Variants in CPA6 observed in about 807,000 individuals in gnomAD.
CPA6 encodes the protein carboxypeptidase B.
In CPA6, 58 loss-of-function variants were observed where a neutral mutation model predicts 63.3. That is an observed-to-expected ratio of 0.92 (90% CI 0.74 to 1.14). CPA6 has a LOEUF of 1.14. CPA6 is among the 50% of genes most tolerant of loss of function. The pLI, the probability that CPA6 is intolerant of heterozygous loss-of-function variation, is 0.00. For synonymous variants in CPA6, 185 were observed against 179.0 expected (o/e 1.03, Z -0.27); for missense variants, 565 against 526.6 (o/e 1.07, Z -0.71).
chr8:67,562,208 G>C (rs1172988157), intron 2 of CPA6, among the ~76,000 whole-genome samples: 1 of 152,142 alleles, frequency 6.6e-6, no homozygotes, highest in African/African-American at 2.4e-5. Context: ...CCCCATCTAG[G>C]CCTTTCCAAC....
chr8:67,507,577 C>T (rs1177069046), intron 5 of CPA6, among the ~76,000 whole-genome samples: 1 of 152,088 alleles, frequency 6.6e-6, no homozygotes, highest in East Asian at 1.9e-4. Context: ...ATTCACTTCA[C>T]AAATATTTCA....
At chr8:67,638,334 T>C (rs1815516029) in intron 1 of CPA6, among the ~76,000 whole-genome samples, 1 of 151,350 alleles carries the variant, frequency 6.6e-6, no homozygotes, top group African/African-American at 2.5e-5. Flanking sequence ...TAGTCAATAG[T>C]GAGAATTTAA....
At chr8:67,579,222 C>T (rs1391830574) in intron 2 of CPA6, among the ~76,000 whole-genome samples, 1 of 152,188 alleles carries the variant, frequency 6.6e-6, no homozygotes. Context: ...ACCAGCCTGG[C>T]CAACATGGCC....
chr8:67,452,634 T>C (rs932727032), intron 8 of CPA6: 111 of 152,252 alleles, frequency 7.3e-4, no homozygotes, highest in African/African-American at 2.3e-3. Flanking sequence ...GTAGAGAGCT[T>C]CCATTCCAGT....
intron 2 of CPA6, among the ~76,000 whole-genome samples, chr8:67,534,053 G>T (rs1390359538): frequency 6.6e-6 from 1 of 152,192 alleles, no homozygotes; most frequent in African/African-American, 2.4e-5. Context: ...GGGACCAGAA[G>T]AGAACAGAGC....
intron 1 of CPA6, among the ~76,000 whole-genome samples, chr8:67,687,419 G>C (rs1048238704): frequency 5.3e-5 from 8 of 151,802 alleles, no homozygotes; most frequent in Non-Finnish European, 8.8e-5. Context: ...GAGAGGATCT[G>C]GGCAGGATTG....
chr8:67,521,760 G>A (rs558812289), intron 2 of CPA6, among the ~76,000 whole-genome samples: 1 of 152,112 alleles, frequency 6.6e-6, no homozygotes, highest in African/African-American at 2.4e-5. Context: ...ATAAACAGTT[G>A]CAGGAAAGTT....
At chr8:67,590,582 C>A (rs1212418056) in intron 2 of CPA6, among the ~76,000 whole-genome samples, 1 of 152,170 alleles carries the variant, frequency 6.6e-6, no homozygotes, top group African/African-American at 2.4e-5. Flanking sequence ...GATTGCCATT[C>A]TAACTGGTGT....
chr8:67,615,530 T>C (rs1814923123), intron 2 of CPA6, among the ~76,000 whole-genome samples: 1 of 151,794 alleles, frequency 6.6e-6, no homozygotes, highest in South Asian at 2.1e-4. Flanking sequence ...AAAAAGGAAA[T>C]AAAAACCAGA....
chr8:67,539,671 A>G (rs1812663363), intron 2 of CPA6, among the ~76,000 whole-genome samples: 1 of 151,906 alleles, frequency 6.6e-6, no homozygotes, highest in South Asian at 2.1e-4. Context: ...ATAGTTCCAT[A>G]TTTCTTGGAG....
chr8:67,465,010 A>G (rs566772830), intron 8 of CPA6, among the ~76,000 whole-genome samples: 19 of 152,262 alleles, frequency 1.2e-4, no homozygotes, highest in African/African-American at 4.3e-4. Context: ...TGGGTTCCAT[A>G]TGAATTTTAG....
intron 1 of CPA6, among the ~76,000 whole-genome samples, chr8:67,721,130 G>T (rs57935768): frequency 0.014 from 2,104 of 152,330 alleles, 46 homozygotes; most frequent in African/African-American, 0.048. Context: ...TGGAGTTAAT[G>T]GTGCCAACTT....
intron 6 of CPA6, among the ~76,000 whole-genome samples, chr8:67,490,093 G>A (rs1811572178): frequency 6.6e-6 from 1 of 152,144 alleles, no homozygotes; most frequent in Non-Finnish European, 1.5e-5. Flanking sequence ...ACGACGTGAT[G>A]ACTGTTAAAT....
At chr8:67,453,699 C>T (rs1268108349) in intron 8 of CPA6, among the ~76,000 whole-genome samples, 2 of 151,944 alleles carry the variant, frequency 1.3e-5, no homozygotes, top group African/African-American at 4.8e-5. Context: ...TCTTCTCTAA[C>T]ACCCTGAGGC....
At chr8:67,697,764 A>AG (rs1456134583) in intron 1 of CPA6, among the ~76,000 whole-genome samples, 1 of 115,970 alleles carries the variant, frequency 8.6e-6, no homozygotes, top group Non-Finnish European at 1.7e-5. Context: ...TTGCAGTCGC[A>AG]GGAAAAAAAA....
chr8:67,493,583 C>T (rs181230700), intron 6 of CPA6, among the ~76,000 whole-genome samples: 234 of 152,312 alleles, frequency 1.5e-3, no homozygotes, highest in Non-Finnish European at 1.8e-3. Context: ...CATAGTACAT[C>T]TGAATCACAT....
intron 2 of CPA6, among the ~76,000 whole-genome samples, chr8:67,567,922 C>T (rs1040481554): frequency 1.3e-5 from 2 of 151,098 alleles, no homozygotes; most frequent in Non-Finnish European, 3.0e-5. Flanking sequence ...GTTAGACCAC[C>T]TGGGGTCAGG....
intron 2 of CPA6, among the ~76,000 whole-genome samples, chr8:67,528,426 A>G (rs1323882792): frequency 1.3e-5 from 2 of 152,136 alleles, no homozygotes; most frequent in Admixed American, 1.3e-4. Context: ...ATCCTAAAAG[A>G]CAAAGGCAGT....
At chr8:67,550,580 A>G (rs554384380) in intron 2 of CPA6, among the ~76,000 whole-genome samples, 42 of 152,354 alleles carry the variant, frequency 2.8e-4, no homozygotes, top group Admixed American at 1.6e-3. Context: ...TGCTGGGTGA[A>G]ATGGTAGTCC....
Sources: allele counts gnomAD v4.1 joint callset (sites outside exome capture counted in the v4.1 genomes callset), GRCh38; gene constraint gnomAD v4.1.1; transcripts MANE v1.5; gene names NCBI Gene and HGNC (gene_info 2026-07-23, HGNC 2026-07-21).